Variants in DPP10 observed in about 807,000 individuals in gnomAD.
DPP10 encodes inactive dipeptidyl peptidase 10.
Under a neutral mutation model 120.9 loss-of-function variants are expected in DPP10, and 33 were observed. That is an observed-to-expected ratio of 0.27 (90% CI 0.21 to 0.37). The LOEUF (loss-of-function observed/expected upper bound fraction) is 0.37. Among genes scored for constraint, DPP10 ranks in the 10% least tolerant of loss-of-function variants. The pLI, the probability that DPP10 is intolerant of heterozygous loss-of-function variation, is 1.00. For missense variants in DPP10, 816 were observed against 942.8 expected (o/e 0.87, Z 1.76); for synonymous variants, 337 against 326.1 (o/e 1.03, Z -0.36).
At chr2:114,633,044 C>A (rs1695050270) in intron 1 of DPP10, among the ~76,000 whole-genome samples, 1 of 151,698 alleles carries the variant, frequency 6.6e-6, no homozygotes, top group African/African-American at 2.4e-5. Flanking sequence ...TTTTCATGGG[C>A]AATCATATTT....
chr2:115,752,215 A>G (rs1247950253), intron 10 of DPP10, among the ~76,000 whole-genome samples: 1 of 152,188 alleles, frequency 6.6e-6, no homozygotes, highest in Non-Finnish European at 1.5e-5. Flanking sequence ...ATGGCTGTAG[A>G]CTGGATGGCT....
At chr2:115,252,492 A>G (rs2058797927) in intron 1 of DPP10, among the ~76,000 whole-genome samples, 1 of 152,132 alleles carries the variant, frequency 6.6e-6, no homozygotes, top group Admixed American at 6.5e-5. Flanking sequence ...CCCTAGTTTA[A>G]CTCAGATATA....
intron 3 of DPP10, among the ~76,000 whole-genome samples, chr2:115,422,283 T>C (rs770435379): frequency 1.3e-5 from 2 of 152,206 alleles, no homozygotes; most frequent in African/African-American, 2.4e-5. Context: ...CTCTGGAGTT[T>C]GAATTAGTTT....
chr2:115,252,408 A>G (rs1321158114), intron 1 of DPP10, among the ~76,000 whole-genome samples: 1 of 152,156 alleles, frequency 6.6e-6, no homozygotes, highest in Non-Finnish European at 1.5e-5. Flanking sequence ...CCTGACTGCA[A>G]TGGGCTGTTA....
At chr2:115,473,419 G>A (rs2074861676) in intron 3 of DPP10, among the ~76,000 whole-genome samples, 1 of 152,160 alleles carries the variant, frequency 6.6e-6, no homozygotes, top group Non-Finnish European at 1.5e-5. Flanking sequence ...TTCCCTTGAT[G>A]CTAGTCAATG....
intron 1 of DPP10, among the ~76,000 whole-genome samples, chr2:114,813,642 A>G (rs867762874): frequency 7.9e-5 from 12 of 152,238 alleles, no homozygotes; most frequent in Middle Eastern, 6.8e-3. Flanking sequence ...ACATGGTCTG[A>G]TAACATTTTG....
At chr2:115,016,752 A>C (rs1470276600) in intron 1 of DPP10, among the ~76,000 whole-genome samples, 1 of 152,100 alleles carries the variant, frequency 6.6e-6, no homozygotes, top group Non-Finnish European at 1.5e-5. Context: ...ACACGAAAAA[A>C]TGCATGTATG....
chr2:114,597,386 A>G (rs1268220113), intron 1 of DPP10, among the ~76,000 whole-genome samples: 2 of 152,072 alleles, frequency 1.3e-5, no homozygotes, highest in African/African-American at 4.8e-5. Context: ...AATTTTAAGC[A>G]GAGAAATAAT....
chr2:114,611,328 G>C (rs1270324802), intron 1 of DPP10, among the ~76,000 whole-genome samples: 4 of 152,138 alleles, frequency 2.6e-5, no homozygotes, highest in Non-Finnish European at 5.9e-5. Flanking sequence ...ATTGTCTGCT[G>C]TCACTTCTCT....
At chr2:115,074,993 T>C (rs940672208) in intron 1 of DPP10, among the ~76,000 whole-genome samples, 4 of 152,120 alleles carry the variant, frequency 2.6e-5, no homozygotes, top group African/African-American at 9.7e-5. Context: ...CAAGATGAAA[T>C]GTCGGATAAG....
chr2:115,582,857 G>A (rs934920390), intron 5 of DPP10, among the ~76,000 whole-genome samples: 2 of 152,290 alleles, frequency 1.3e-5, no homozygotes, highest in Admixed American at 6.5e-5. Flanking sequence ...TTGAATGCAA[G>A]TCTGTGCTTT....
intron 3 of DPP10, among the ~76,000 whole-genome samples, chr2:115,430,977 A>G (rs1426584066): frequency 6.6e-6 from 1 of 152,212 alleles, no homozygotes; most frequent in African/African-American, 2.4e-5. Flanking sequence ...ATTAAGATCC[A>G]ATCTGCATGC....
chr2:115,792,995 G>A (rs970890758), intron 19 of DPP10, among the ~76,000 whole-genome samples: 2 of 152,188 alleles, frequency 1.3e-5, no homozygotes, highest in African/African-American at 4.8e-5. Context: ...CACATAGGGG[G>A]AAAACCGAAT....
In DPP10 at chr2:114,765,564, G is replaced by A. The variant is rs796241820; in HGVS notation, c.60+322726G>A. On this transcript the variant is annotated intron_variant, in intron 1 of 25. Transcript: ENST00000410059. ...TTCAAAAGACACTCCTACTACAGTC[G>A]GAAAAATCTGAGATCAATTATAAGT... Among the ~76,000 whole-genome samples the A allele has an allele frequency of 2.6e-4, 39 of 152,134 alleles. 1 individual carries two copies. Among genetic ancestry groups the A allele is most frequent in the African/African-American group, 8.7e-4 (36 of 41,506 alleles).
chr2:115,817,375 A>G (rs1687361688), intron 21 of DPP10, among the ~76,000 whole-genome samples: 2 of 152,218 alleles, frequency 1.3e-5, no homozygotes. Flanking sequence ...TAAGTAACCT[A>G]GAGATCCATG....
In DPP10 at chr2:114,467,883, G is replaced by A. The variant is rs145753534; in HGVS notation, c.60+25045G>A. Among the ~76,000 whole-genome samples the A allele has an allele frequency of 5.3e-3, 806 of 152,208 alleles. 9 individuals carry two copies. The highest frequency in any genetic ancestry group is 0.027 in the Middle Eastern group (8 of 294). ...CACAAAAAAACATTAGCCAGGCATG[G>A]TGGTGAAGTGCTGTAGTCCCAGCTA... On this transcript the variant is annotated intron_variant, in intron 1 of 25. Coordinates refer to ENST00000410059, the MANE Select transcript of DPP10 (RefSeq NM_020868.6).
At chr2:115,713,253 C>T (rs188527119) in intron 7 of DPP10, among the ~76,000 whole-genome samples, 3 of 152,100 alleles carry the variant, frequency 2.0e-5, no homozygotes, top group Non-Finnish European at 2.9e-5. Flanking sequence ...AAGACCTAGA[C>T]GTCAGTTATG....
chr2:115,251,003 C>T (rs2058728232), intron 1 of DPP10, among the ~76,000 whole-genome samples: 1 of 152,130 alleles, frequency 6.6e-6, no homozygotes, highest in South Asian at 2.1e-4. Context: ...TTTGGAAAAG[C>T]ATTTCATAGC....
chr2:114,925,716 C>G (rs565548226), intron 1 of DPP10, among the ~76,000 whole-genome samples: 2 of 152,126 alleles, frequency 1.3e-5, no homozygotes, highest in South Asian at 2.1e-4. Context: ...ACTATCTCCC[C>G]GAGAGCCCTG....
Sources: allele counts gnomAD v4.1 joint callset (sites outside exome capture counted in the v4.1 genomes callset), GRCh38; gene constraint gnomAD v4.1.1; transcripts MANE v1.5; gene names NCBI Gene and HGNC (gene_info 2026-07-23, HGNC 2026-07-21).